Variants in PRRC2B observed in about 807,000 individuals in gnomAD.
PRRC2B encodes protein PRRC2B.
A neutral mutation model predicts 242.3 loss-of-function variants in PRRC2B; 68 were observed. That is an observed-to-expected ratio of 0.28 (90% CI 0.23 to 0.34). The LOEUF (loss-of-function observed/expected upper bound fraction) is 0.34, where lower values mean the gene tolerates loss of function less well. Among genes scored for constraint, PRRC2B ranks in the 10% least tolerant of loss-of-function variants. PRRC2B has a pLI of 1.00. For missense variants in PRRC2B, 2,835 were observed against 2,954.8 expected, an observed-to-expected ratio of 0.96 and a Z score of 0.94; for synonymous variants, 1,228 against 1,173.6, an observed-to-expected ratio of 1.05 and a Z score of -0.95.
intron 15 of PRRC2B, among the ~76,000 whole-genome samples, 177 bp downstream of exon 15, chr9:131,473,901 T>G (rs1478949918): frequency 7.2e-5 from 11 of 152,156 alleles, no homozygotes. Context: ...CTTGAATGCT[T>G]TGTCCAAGAG....
intron 3 of PRRC2B, among the ~76,000 whole-genome samples, chr9:131,433,910 A>G (rs1293261065): frequency 6.6e-6 from 1 of 152,244 alleles, no homozygotes; most frequent in Non-Finnish European, 1.5e-5. Flanking sequence ...CTTAGAAGTT[A>G]TTTTTAAAAC....
chr9:131,409,591 C>T (rs1837453794), intron 1 of PRRC2B, among the ~76,000 whole-genome samples: 1 of 152,170 alleles, frequency 6.6e-6, no homozygotes, highest in African/African-American at 2.4e-5. Context: ...ACAGTGGAGC[C>T]TGTGGGGGCC....
At chr9:131,478,443 G>C (rs755045518) in intron 17 of PRRC2B, 31 bp from the exon 18 acceptor site, 1 of 1,609,336 alleles carries the variant, frequency 6.2e-7, no homozygotes, top group African/African-American at 1.3e-5. Flanking sequence ...TGAGTGGAAA[G>C]ACTGTTCCTT....
chr9:131,441,134 A>G (rs1838556494), intron 5 of PRRC2B, among the ~76,000 whole-genome samples: 1 of 152,140 alleles, frequency 6.6e-6, no homozygotes, highest in Admixed American at 6.6e-5. Flanking sequence ...GAGTGAGAAA[A>G]AATACACTTC....
intron 1 of PRRC2B, among the ~76,000 whole-genome samples, chr9:131,412,370 T>C (rs1837529556): frequency 1.3e-5 from 2 of 152,218 alleles, no homozygotes; most frequent in Non-Finnish European, 2.9e-5. Context: ...TTGTTCTTAT[T>C]GTAGGATGGT....
intron 1 of PRRC2B, among the ~76,000 whole-genome samples, chr9:131,380,372 T>C (rs1198320179): frequency 6.6e-6 from 1 of 151,870 alleles, no homozygotes; most frequent in Non-Finnish European, 1.5e-5. Flanking sequence ...GAGGTCAGGA[T>C]TTCGAGACCA....
chr9:131,463,794 T>C (rs1001522064), intron 11 of PRRC2B, among the ~76,000 whole-genome samples: 2 of 151,738 alleles, frequency 1.3e-5, no homozygotes, highest in Non-Finnish European at 2.9e-5. Flanking sequence ...AATTTTCGTA[T>C]TTTTTTGGGG....
At chr9:131,466,852 A>G (rs1383095137) in intron 12 of PRRC2B, among the ~76,000 whole-genome samples, 1 of 149,506 alleles carries the variant, frequency 6.7e-6, no homozygotes, top group Non-Finnish European at 1.5e-5. Flanking sequence ...CCCAGGCTGG[A>G]GTGCAGTGGC....
chr9:131,475,073 A>G lies in PRRC2B; in HGVS notation c.2944A>G (p.Thr982Ala). 6.2e-7 allele frequency: 1 copy of G among 1,610,902 alleles called. No individual in the cohort carries two copies. Among genetic ancestry groups the G allele is most frequent in the South Asian group, 1.1e-5 (1 of 90,322 alleles). Residue 982 changes from threonine to alanine, a missense_variant, in exon 16 of 32, where the codon ACG (threonine) becomes GCG (alanine). Physicochemically the swap from Thr to Ala is moderately conservative, Grantham distance 58 (BLOSUM62 0). Around this residue, in one of 7 missense-constraint regions of PRRC2B, gnomAD observed 1,536 missense variants for 1,483.1 expected, o/e 1.04. Coordinates refer to ENST00000683519, the MANE Select transcript of PRRC2B (RefSeq NM_013318.4). ...GGCCAAGGAGAAGGAGCAGAGCCCC[A>G]CGGCAGAAAAGGATGAGGACGAAGA... ...RLAKEKEQSP[T>A]AEKDEDEEND... is the part of the protein sequence containing the mutation.
intron 4 of PRRC2B, among the ~76,000 whole-genome samples, chr9:131,437,559 C>T (rs1224593705): frequency 6.6e-6 from 1 of 152,236 alleles, no homozygotes; most frequent in East Asian, 1.9e-4. Flanking sequence ...GCTCTCTTGA[C>T]AGCGGGAATG....
intron 13 of PRRC2B, among the ~76,000 whole-genome samples, chr9:131,468,573 T>G (rs2131431305): frequency 6.6e-6 from 1 of 152,270 alleles, no homozygotes; most frequent in East Asian, 1.9e-4. Flanking sequence ...TCATCAGCAA[T>G]CGTGCCTACT....
At position 131,476,290 on chromosome 9, in the gene PRRC2B, G is replaced by T; in HGVS notation, c.4161G>T (p.Arg1387=). Residue 1387 remains arginine (R), a synonymous_variant, in exon 16 of 32, where the codon CGG becomes CGT. Transcript: ENST00000683519. ...ASESSDFSER[R]ERREGPGSEP... is the part of the protein sequence containing the mutation. ...AAAGCAGCGACTTCAGCGAGCGGCG[G>T]GAGCGGCGGGAAGGCCCTGGGTCCG... 1 of 1,588,246 alleles carries T rather than the reference G, an allele frequency of 6.3e-7. No individual in the cohort carries two copies. Among genetic ancestry groups the T allele is most frequent in the East Asian group, 2.3e-5 (1 of 43,206 alleles).
In PRRC2B at chr9:131,494,304, C is replaced by T; in HGVS notation, c.6474-101C>T. 1.5e-6 allele frequency: 1 copy of T among 664,532 alleles called. No individual in the cohort carries two copies. Among genetic ancestry groups the T allele is most frequent in the South Asian group, 1.8e-5 (1 of 54,668 alleles). 41.2% of individuals were successfully genotyped at this position (664,532 alleles called of 1,614,324 possible). ...CGTCCCGAGTGAGCGCCTCTGGCCGCAGGCCCTTCCTTCCTTGTGCCTCCT... is the reference window on the plus strand; with the variant it reads ...CGTCCCGAGTGAGCGCCTCTGGCCGTAGGCCCTTCCTTCCTTGTGCCTCCT... On this transcript the variant is annotated intron_variant, in intron 30 of 31. Coordinates refer to ENST00000683519, the MANE Select transcript of PRRC2B (RefSeq NM_013318.4). The surrounding 1 kb of genome is among the most constrained non-coding windows in gnomAD (Gnocchi z 4.3).
chr9:131,474,342 T>A (rs565034285), intron 15 of PRRC2B, 112 bp from the exon 16 acceptor site: 5 of 870,806 alleles, frequency 5.7e-6, no homozygotes, highest in Non-Finnish European at 6.9e-6. Context: ...TTTTAAAAAG[T>A]GTTTTAGTTT....
Position 131,486,326 on chromosome 9 carries a change from G to C in PRRC2B, c.5856+144G>C, listed in dbSNP as rs193060308. The C allele has an allele frequency of 1.6e-4, 134 of 849,608 alleles. No individual in the cohort carries two copies. In the African/African-American group the frequency reaches 2.1e-3, roughly 13 times the overall value. The allele number at this position is 849,608 out of a possible 1,614,324, so 52.6% of individuals were successfully genotyped here. On this transcript the variant is annotated intron_variant, in intron 26 of 31. Coordinates refer to ENST00000683519, the MANE Select transcript of PRRC2B (RefSeq NM_013318.4). Reference sequence around the variant, plus strand: ...TGGTGACCAGCACCTGGCCCGCCACGGCAGCCAGGAGGCATTTGTTAAGCG... The same window carrying C: ...TGGTGACCAGCACCTGGCCCGCCACCGCAGCCAGGAGGCATTTGTTAAGCG...
chr9:131,486,939 G>A (rs1189899934), intron 26 of PRRC2B, among the ~76,000 whole-genome samples: 1 of 152,204 alleles, frequency 6.6e-6, no homozygotes, highest in Non-Finnish European at 1.5e-5. Context: ...CATTTTTGTT[G>A]CTGTGTAGAA....
intron 1 of PRRC2B, among the ~76,000 whole-genome samples, chr9:131,422,063 A>AT (rs983534465): frequency 2.0e-4 from 30 of 151,174 alleles, no homozygotes; most frequent in African/African-American, 7.1e-4. Flanking sequence ...TTATTTTTTT[A>AT]TTTTATTTTA....
intron 1 of PRRC2B, among the ~76,000 whole-genome samples, chr9:131,396,759 C>T (rs1257531920): frequency 6.6e-6 from 1 of 152,006 alleles, no homozygotes; most frequent in Non-Finnish European, 1.5e-5. Context: ...ACCAGAATGG[C>T]TTAGTACAGC....
chr9:131,440,177 G>C (rs1838517300), intron 5 of PRRC2B, among the ~76,000 whole-genome samples: 1 of 152,194 alleles, frequency 6.6e-6, no homozygotes, highest in Non-Finnish European at 1.5e-5. Flanking sequence ...AGAGTGCTGG[G>C]ATTACAGACG....
Sources: allele counts gnomAD v4.1 joint callset (sites outside exome capture counted in the v4.1 genomes callset), GRCh38; gene constraint gnomAD v4.1.1; regional missense constraint gnomAD v4.1.1; non-coding constraint Gnocchi (gnomAD v3.1); transcripts MANE v1.5; gene names NCBI Gene and HGNC (gene_info 2026-07-23, HGNC 2026-07-21).